Variants in MAGI2 observed in about 807,000 individuals in gnomAD.
MAGI2 encodes the protein membrane-associated guanylate kinase, WW and PDZ domain-containing protein 2.
A neutral mutation model predicts 133.3 loss-of-function variants in MAGI2; 35 were observed. The ratio of observed to expected loss-of-function variants is 0.26; its 90% confidence interval spans 0.20 to 0.35. The LOEUF is 0.35. MAGI2 is among the 10% of genes least tolerant of loss of function. The probability of loss-of-function intolerance (pLI) is 1.00; values close to 1 mark genes in which losing one functional copy is unlikely to be tolerated. For missense variants in MAGI2, 1,636 were observed against 1,863.4 expected, an observed-to-expected ratio of 0.88 and a Z score of 2.25; for synonymous variants, 729 against 710.6, an observed-to-expected ratio of 1.03 and a Z score of -0.41.
intron 2 of MAGI2, among the ~76,000 whole-genome samples, chr7:78,841,760 G>A (rs924743695): frequency 9.9e-5 from 15 of 151,932 alleles, no homozygotes; most frequent in African/African-American, 2.2e-4. Flanking sequence ...ATGGTTATCC[G>A]GGAGAATTCC....
intron 20 of MAGI2, among the ~76,000 whole-genome samples, chr7:78,081,759 T>G (rs976864676): frequency 1.5e-4 from 23 of 152,250 alleles, no homozygotes; most frequent in African/African-American, 5.3e-4. Flanking sequence ...CCGGGGAAGC[T>G]GAGTGGTGGT....
intron 2 of MAGI2, among the ~76,000 whole-genome samples, chr7:78,883,879 T>C (rs756887233): frequency 2.6e-5 from 4 of 152,206 alleles, no homozygotes; most frequent in Non-Finnish European, 5.9e-5. Flanking sequence ...GATTTAAATG[T>C]AAGGCTTAAA....
At chr7:79,254,256 G>A (rs1833529328) in intron 1 of MAGI2, among the ~76,000 whole-genome samples, 1 of 152,052 alleles carries the variant, frequency 6.6e-6, no homozygotes. Context: ...AGAATTCTCT[G>A]TATAAAATAA....
chr7:78,902,582 G>A (rs1299943272), intron 2 of MAGI2: 1 of 152,016 alleles, frequency 6.6e-6, no homozygotes, highest in Non-Finnish European at 1.5e-5. Flanking sequence ...TTTAGAAGCC[G>A]GAGTTCTACA....
At chr7:79,183,772 T>C (rs1010857314) in intron 1 of MAGI2, among the ~76,000 whole-genome samples, 1 of 151,942 alleles carries the variant, frequency 6.6e-6, no homozygotes, top group Non-Finnish European at 1.5e-5. Flanking sequence ...AAAGAAAATG[T>C]GAATATATAC....
chr7:79,337,188 T>C (rs1424484038), intron 1 of MAGI2, among the ~76,000 whole-genome samples: 1 of 152,152 alleles, frequency 6.6e-6, no homozygotes, highest in Non-Finnish European at 1.5e-5. Context: ...AGACCCTTAG[T>C]AAAGAAACAC....
chr7:79,252,782 CTT>C (rs1254826154), intron 1 of MAGI2, among the ~76,000 whole-genome samples: 4 of 152,120 alleles, frequency 2.6e-5, no homozygotes, highest in East Asian at 1.9e-4. Context: ...TATTTTATGA[CTT>C]AATATTAAGA....
At chr7:79,213,485 G>T (rs1413921892) in intron 1 of MAGI2, among the ~76,000 whole-genome samples, 6 of 151,984 alleles carry the variant, frequency 3.9e-5, no homozygotes, top group African/African-American at 1.5e-4. Context: ...TCCTGGTTTT[G>T]CTACTTCCTT....
chr7:78,088,181 A>G (rs1413239917), intron 20 of MAGI2, among the ~76,000 whole-genome samples: 1 of 152,232 alleles, frequency 6.6e-6, no homozygotes, highest in Non-Finnish European at 1.5e-5. Flanking sequence ...ATTATTATGT[A>G]TACTTATCTA....
At chr7:78,747,656 G>T (rs116159931) in intron 2 of MAGI2, among the ~76,000 whole-genome samples, 1 of 152,146 alleles carries the variant, frequency 6.6e-6, no homozygotes, top group Non-Finnish European at 1.5e-5. Context: ...CTCAACTAAC[G>T]CAGAATCTCT....
chr7:78,565,408 T>C (rs1054919303), intron 3 of MAGI2, among the ~76,000 whole-genome samples: 8 of 151,374 alleles, frequency 5.3e-5, no homozygotes, highest in Non-Finnish European at 1.0e-4. Context: ...GATGTTACAG[T>C]GAGCCATGAT....
At chr7:79,115,961 T>C (rs1193429776) in intron 1 of MAGI2, among the ~76,000 whole-genome samples, 1 of 149,938 alleles carries the variant, frequency 6.7e-6, no homozygotes, top group East Asian at 2.0e-4. Context: ...CAGATTGTCT[T>C]TCAGACTCTC....
At chr7:78,095,709 C>T (rs1379617214) in intron 20 of MAGI2, among the ~76,000 whole-genome samples, 1 of 152,124 alleles carries the variant, frequency 6.6e-6, no homozygotes, top group Non-Finnish European at 1.5e-5. Context: ...ATGGTTAATG[C>T]TTTTAAAAAT....
chr7:78,204,477 A>G (rs1829547236), intron 10 of MAGI2, among the ~76,000 whole-genome samples: 1 of 152,208 alleles, frequency 6.6e-6, no homozygotes, highest in Admixed American at 6.5e-5. Flanking sequence ...TTCACTATAA[A>G]ACCAAGTTTA....
chr7:79,331,882 C>T (rs1465683545), intron 1 of MAGI2, among the ~76,000 whole-genome samples: 1 of 151,560 alleles, frequency 6.6e-6, no homozygotes, highest in African/African-American at 2.4e-5. Context: ...ACCAGCATGG[C>T]ACATGTATAC....
chr7:79,226,621 C>A (rs1830882680), intron 1 of MAGI2, among the ~76,000 whole-genome samples: 1 of 152,120 alleles, frequency 6.6e-6, no homozygotes, highest in Non-Finnish European at 1.5e-5. Flanking sequence ...CCTTCTCTTT[C>A]CTATCCTCCT....
At chr7:78,386,889 A>G (rs1795438794) in intron 6 of MAGI2, among the ~76,000 whole-genome samples, 1 of 152,174 alleles carries the variant, frequency 6.6e-6, no homozygotes, top group South Asian at 2.1e-4. Context: ...TAGAGGCAAA[A>G]AGCACTAAAA....
intron 1 of MAGI2, among the ~76,000 whole-genome samples, chr7:79,086,444 AG>A (rs1054364680): frequency 6.3e-4 from 96 of 152,064 alleles, no homozygotes; most frequent in Non-Finnish European, 4.3e-4. Context: ...AGGAAGAATT[AG>A]GGAATGTTAA....
intron 2 of MAGI2, among the ~76,000 whole-genome samples, chr7:78,686,823 A>C (rs539892576): frequency 6.6e-6 from 1 of 152,224 alleles, no homozygotes; most frequent in Non-Finnish European, 1.5e-5. Flanking sequence ...AAGCAAGCGC[A>C]TACTAACTCA....
Sources: allele counts gnomAD v4.1 joint callset (sites outside exome capture counted in the v4.1 genomes callset), GRCh38; gene constraint gnomAD v4.1.1; transcripts MANE v1.5; gene names NCBI Gene and HGNC (gene_info 2026-07-23, HGNC 2026-07-21).